Variants in ZNF385B observed in about 807,000 individuals in gnomAD.
ZNF385B encodes the protein zinc finger protein 385B, also known as zinc finger protein 533.
ZNF385B carries 23 observed loss-of-function variants against 39.2 expected under a neutral mutation model. That is an observed-to-expected ratio of 0.59 (90% CI 0.42 to 0.83). The LOEUF is 0.83. Ranked by LOEUF, ZNF385B falls within the 40% of genes least tolerant of loss-of-function variation. The pLI is 0.00. For missense variants in ZNF385B, 552 were observed against 598.9 expected (o/e 0.92, Z 0.82); for synonymous variants, 205 against 222.6 (o/e 0.92, Z 0.70).
chr2:179,493,760 TATGTATACATATATGTATATACAC>T (rs2055756787), intron 5 of ZNF385B, among the ~76,000 whole-genome samples: 1 of 89,000 alleles, frequency 1.1e-5, no homozygotes, highest in Non-Finnish European at 2.6e-5. Context: ...TATATACATA[TATGTATACATATATGTATATACAC>T]ATATGTATAC....
intron 5 of ZNF385B, among the ~76,000 whole-genome samples, chr2:179,490,315 A>AC (rs1491554469): frequency 1.6e-4 from 22 of 138,718 alleles, no homozygotes; most frequent in African/African-American, 5.6e-4. Context: ...TTACACACAC[A>AC]AACACACACA....
At chr2:179,551,467 C>G (rs1241405996) in intron 3 of ZNF385B, among the ~76,000 whole-genome samples, 1 of 138,858 alleles carries the variant, frequency 7.2e-6, no homozygotes, top group African/African-American at 2.9e-5. Context: ...TAACTGGACC[C>G]AACATGGCAC....
In ZNF385B at chr2:179,550,500, A is replaced by G. The variant is rs1303787952; in HGVS notation, c.299-5531T>C. On this transcript the variant is annotated intron_variant, in intron 3 of 9. Transcript: ENST00000410066. ...CTTAGCTGCCACTACTCATTAGCATAAAAAACTTAGCAGCTGTTTACCATT... is the reference window on the plus strand; with the variant it reads ...CTTAGCTGCCACTACTCATTAGCATGAAAAACTTAGCAGCTGTTTACCATT... 1.3e-5 allele frequency among the ~76,000 whole-genome samples: 2 copies of G among 149,852 alleles called. 1 individual carries two copies. Among genetic ancestry groups the G allele is most frequent in the African/African-American group, 5.0e-5 (2 of 39,912 alleles).
At chr2:179,744,376 G>A (rs969560837) in intron 3 of ZNF385B, among the ~76,000 whole-genome samples, 4 of 150,412 alleles carry the variant, frequency 2.7e-5, no homozygotes, top group East Asian at 2.0e-4. Context: ...ACAGTACACC[G>A]AAATCCTGGC....
intron 1 of ZNF385B, among the ~76,000 whole-genome samples, chr2:179,807,929 A>AGAAAGAAAGAAAGAAG (rs749760813): frequency 0.028 from 3,260 of 115,956 alleles, 101 homozygotes; most frequent in Admixed American, 0.09. Flanking sequence ...AAAGAAAGAA[A>AGAAAGAAAGAAAGAAG]GAAGGAAGGA....
intron 5 of ZNF385B, among the ~76,000 whole-genome samples, chr2:179,493,658 TATGTATATGCATATGCATATACATATAC>T (rs1213497282): frequency 8.5e-6 from 1 of 117,660 alleles, no homozygotes; most frequent in Non-Finnish European, 1.8e-5. Context: ...CGTATACATA[TATGTATATGCATATGCATATACATATAC>T]ACATATATAC....
At chr2:179,701,452 T>C (rs74628199) in intron 3 of ZNF385B, among the ~76,000 whole-genome samples, 371 of 152,278 alleles carry the variant, frequency 2.4e-3, no homozygotes, top group African/African-American at 8.5e-3. Context: ...AACAATCTTG[T>C]GTAGTAGAAA....
At chr2:179,813,339 G>C (rs922098550) in intron 1 of ZNF385B, among the ~76,000 whole-genome samples, 5 of 152,036 alleles carry the variant, frequency 3.3e-5, no homozygotes, top group Non-Finnish European at 5.9e-5. Context: ...GGTCTATTTT[G>C]GGGCTTCCAA....
chr2:179,641,996 A>T (rs140384290), intron 3 of ZNF385B, among the ~76,000 whole-genome samples: 9 of 152,274 alleles, frequency 5.9e-5, no homozygotes, highest in Non-Finnish European at 1.2e-4. Flanking sequence ...TTCAATTTTA[A>T]TGGGCAAGTT....
rs372006613 is a variant in ZNF385B, at chr2:179,784,378, T to A, written c.-154-13706A>T. On this transcript the variant is annotated intron_variant, in intron 1 of 9. Transcript: ENST00000410066. ...GCTAACTATTAGGTACTGGGTTTAA[T>A]ACATGAGTGGTGAAATAATCTGTAC... Among the ~76,000 whole-genome samples the A allele has an allele frequency of 4.6e-5, 7 of 151,998 alleles. No individual in the cohort carries two copies. The East Asian group carries it at 9.7e-4, about 21-fold the overall frequency.
chr2:179,501,589 CGG>C (rs1559354005), intron 5 of ZNF385B, among the ~76,000 whole-genome samples: 3 of 151,716 alleles, frequency 2.0e-5, no homozygotes, highest in African/African-American at 7.3e-5. Context: ...GGAAGGGTAG[CGG>C]GGAGCTGGGA....
At chr2:179,539,915 G>T (rs1367649992) in intron 4 of ZNF385B, among the ~76,000 whole-genome samples, 3 of 151,746 alleles carry the variant, frequency 2.0e-5, no homozygotes, top group Non-Finnish European at 4.4e-5. Context: ...GGCACAAGGG[G>T]GTTTTTGTTT....
chr2:179,517,857 G>A (rs1292114938), intron 5 of ZNF385B, among the ~76,000 whole-genome samples: 1 of 151,888 alleles, frequency 6.6e-6, no homozygotes, highest in Non-Finnish European at 1.5e-5. Context: ...TGTTATCTTT[G>A]TTTAGCAGGA....
chr2:179,720,057 G>A (rs538148859), intron 3 of ZNF385B, among the ~76,000 whole-genome samples: 1 of 152,250 alleles, frequency 6.6e-6, no homozygotes, highest in Non-Finnish European at 1.5e-5. Flanking sequence ...GTATTGAACA[G>A]AGCTAATGTT....
At position 179,799,026 on chromosome 2, in the gene ZNF385B, A is replaced by G. The variant is rs1020825201; in HGVS notation, c.-154-28354T>C. Among the ~76,000 whole-genome samples the G allele has an allele frequency of 3.9e-5, 6 of 152,160 alleles. No individual in the cohort carries two copies. The East Asian group carries it at 9.6e-4, about 24-fold the overall frequency. ...ATATTTAGATATTTGATTTTAACCTAATCAACACACTCCCATTTCAGGTGA... is the reference window on the plus strand; with the variant it reads ...ATATTTAGATATTTGATTTTAACCTGATCAACACACTCCCATTTCAGGTGA... On this transcript the variant is annotated intron_variant, in intron 1 of 9. Coordinates refer to ENST00000410066, the MANE Select transcript of ZNF385B (RefSeq NM_152520.6).
intron 3 of ZNF385B, among the ~76,000 whole-genome samples, chr2:179,644,799 T>C (rs1052000039): frequency 1.3e-5 from 2 of 152,098 alleles, no homozygotes; most frequent in African/African-American, 4.8e-5. Context: ...TTTTTCTTAT[T>C]TTCCTAAAAA....
chr2:179,818,485 C>T (rs1054575148), intron 1 of ZNF385B, among the ~76,000 whole-genome samples: 1 of 152,122 alleles, frequency 6.6e-6, no homozygotes, highest in Non-Finnish European at 1.5e-5. Flanking sequence ...TGATGTCTCT[C>T]AATTAAACAT....
intron 6 of ZNF385B, among the ~76,000 whole-genome samples, chr2:179,458,156 C>T (rs1418976944): frequency 5.3e-5 from 8 of 152,122 alleles, no homozygotes; most frequent in African/African-American, 1.9e-4. Flanking sequence ...GGCTGTGTCG[C>T]CACCCAATCT....
At chr2:179,749,743 G>A (rs1282842596) in intron 3 of ZNF385B, among the ~76,000 whole-genome samples, 1 of 152,074 alleles carries the variant, frequency 6.6e-6, no homozygotes, top group African/African-American at 2.4e-5. Context: ...TTTTAAATAT[G>A]CCTTTGATGA....
Sources: gnomAD v4.1 joint callset for allele counts (sites outside exome capture counted in the v4.1 genomes callset) on GRCh38, gnomAD v4.1.1 for gene constraint, MANE v1.5 for transcripts, NCBI Gene and HGNC (gene_info 2026-07-23, HGNC 2026-07-21) for gene names.